The following ASTN2 variants were observed in gnomAD, a reference collection of about 807,000 sequenced individuals.
The protein encoded by ASTN2 is astrotactin 2, also known as astrotactin-2.
In ASTN2, 54 loss-of-function variants were observed where a neutral mutation model predicts 139.8. The ratio of observed to expected loss-of-function variants is 0.39; its 90% CI spans 0.31 to 0.48. The LOEUF is 0.48. ASTN2 is among the 20% of genes least tolerant of loss of function. The pLI is 0.95. For missense variants in ASTN2, 1,565 were observed against 1,725.1 expected, an observed-to-expected ratio of 0.91 and a Z score of 1.64; for synonymous variants, 756 against 719.5, an observed-to-expected ratio of 1.05 and a Z score of -0.81.
chr9:116,878,669 C>A (rs1833367510), intron 10 of ASTN2, among the ~76,000 whole-genome samples: 1 of 151,982 alleles, frequency 6.6e-6, no homozygotes, highest in Non-Finnish European at 1.5e-5. Flanking sequence ...ATGCAACAAA[C>A]CTGCATGTCC....
rs767176438 is a variant in ASTN2 at position 116,699,018 on chromosome 9, C to A, written c.2806+26753G>T. The A allele has an allele frequency of 6.2e-7, 1 of 1,614,162 alleles. No homozygotes were observed. The highest frequency in any genetic ancestry group is 2.2e-5 in the East Asian group (1 of 44,852). On this transcript the variant is annotated intron_variant, in intron 16 of 22. Coordinates refer to ENST00000313400, the MANE Select transcript of ASTN2 (RefSeq NM_001365068.1). This position sits in a 1 kb window ranked among gnomAD's most constrained non-coding sequence, Gnocchi z 4.2. ...TGTGCTAAGCTTCCTTGGGGCAGAT[C>A]TACCCAACCTCACTCCTCTCTCAGT...
intron 19 of ASTN2, among the ~76,000 whole-genome samples, chr9:116,492,054 G>T (rs1193465093): frequency 1.3e-5 from 2 of 151,468 alleles, no homozygotes; most frequent in African/African-American, 4.8e-5. Context: ...CTTAAAATGT[G>T]TATCAACTAC....
At chr9:117,142,084 T>C (rs7043225) in intron 3 of ASTN2, among the ~76,000 whole-genome samples, 9,652 of 152,192 alleles carry the variant, frequency 0.063, 565 homozygotes, top group African/African-American at 0.15. Context: ...TGCTTGAGCA[T>C]TGGAAAGTAA....
At chr9:116,867,220 G>A (rs540506313) in intron 10 of ASTN2, among the ~76,000 whole-genome samples, 3 of 152,148 alleles carry the variant, frequency 2.0e-5, no homozygotes, top group African/African-American at 7.2e-5. Flanking sequence ...ATGAAAAGAG[G>A]AGGCATACTC....
intron 19 of ASTN2, chr9:116,585,297 T>C (rs1588039504): frequency 6.6e-6 from 1 of 152,206 alleles, no homozygotes; most frequent in South Asian, 2.1e-4. Context: ...TTCTAGCTTA[T>C]AGAATTGCTG....
chr9:117,333,765 A>T (rs1301128475), intron 1 of ASTN2, among the ~76,000 whole-genome samples: 1 of 152,068 alleles, frequency 6.6e-6, no homozygotes, highest in Non-Finnish European at 1.5e-5. Context: ...CAGCTTCCCA[A>T]AGTGCTAGGA....
intron 16 of ASTN2, chr9:116,697,867 C>T: frequency 6.2e-7 from 1 of 1,614,200 alleles, no homozygotes; most frequent in Non-Finnish European, 8.5e-7. Flanking sequence ...TGTGGCCATA[C>T]CATCTGCCGC....
chr9:116,765,378 C>T (rs1169835666), intron 13 of ASTN2, among the ~76,000 whole-genome samples: 5 of 152,134 alleles, frequency 3.3e-5, no homozygotes, highest in Non-Finnish European at 1.5e-5. Context: ...ATCTAGCTAG[C>T]TCAGTACTTT....
At chr9:116,839,710 G>A (rs1037074734) in intron 11 of ASTN2, among the ~76,000 whole-genome samples, 24 of 151,302 alleles carry the variant, frequency 1.6e-4, no homozygotes, top group African/African-American at 5.6e-4. Context: ...TCGCTCTGTC[G>A]CCCAAGCTGG....
intron 11 of ASTN2, among the ~76,000 whole-genome samples, chr9:116,862,065 C>T (rs1309079201): frequency 1.3e-5 from 2 of 151,082 alleles, no homozygotes; most frequent in Admixed American, 6.6e-5. Flanking sequence ...TCTAATTGCC[C>T]ATTCACATCT....
intron 13 of ASTN2, among the ~76,000 whole-genome samples, chr9:116,735,226 C>T (rs914356273): frequency 1.3e-5 from 2 of 152,108 alleles, no homozygotes; most frequent in African/African-American, 2.4e-5. Context: ...TGTGCCATGG[C>T]TGTCTGTGGA....
intron 13 of ASTN2, among the ~76,000 whole-genome samples, chr9:116,758,922 C>A (rs1173988436): frequency 6.6e-6 from 1 of 152,184 alleles, no homozygotes; most frequent in Admixed American, 6.5e-5. Context: ...AAGACAAAGT[C>A]TTGCTCTGTC....
At chr9:117,323,277 C>T (rs1295566799) in intron 1 of ASTN2, among the ~76,000 whole-genome samples, 2 of 152,098 alleles carry the variant, frequency 1.3e-5, no homozygotes, top group Non-Finnish European at 2.9e-5. Context: ...GTCTGCCCCA[C>T]CTCTGACCCC....
intron 20 of ASTN2, among the ~76,000 whole-genome samples, chr9:116,443,306 G>A (rs185314533): frequency 6.6e-6 from 1 of 152,162 alleles, no homozygotes; most frequent in Non-Finnish European, 1.5e-5. Flanking sequence ...GAGCCCAGAC[G>A]GTTGAAGAAA....
chr9:116,698,654 A>G lies in ASTN2; in HGVS notation c.2806+27117T>C. ...AGAAGCCCCGGACAGTTAACGTGGAAGATTCCTGGGCCATGGAGGCCACAG... is the reference window on the plus strand; with the variant it reads ...AGAAGCCCCGGACAGTTAACGTGGAGGATTCCTGGGCCATGGAGGCCACAG... On this transcript the variant is annotated intron_variant, in intron 16 of 22. Transcript: ENST00000313400. This position sits in a 1 kb window ranked among gnomAD's most constrained non-coding sequence, Gnocchi z 4.4. 6.2e-7 allele frequency: 1 copy of G among 1,614,174 alleles called. No homozygotes were observed. The highest frequency in any genetic ancestry group is 8.5e-7 in the Non-Finnish European group (1 of 1,180,016).
chr9:117,218,913 G>A (rs147453186), intron 2 of ASTN2, among the ~76,000 whole-genome samples: 2 of 152,322 alleles, frequency 1.3e-5, no homozygotes, highest in Non-Finnish European at 2.9e-5. Context: ...ATCAAGGGAA[G>A]TGAGATGTGA....
intron 10 of ASTN2, among the ~76,000 whole-genome samples, chr9:116,974,366 G>C (rs921793848): frequency 6.6e-6 from 1 of 151,962 alleles, no homozygotes; most frequent in Non-Finnish European, 1.5e-5. Context: ...CACCATAATG[G>C]GGCAGAATGA....
intron 10 of ASTN2, among the ~76,000 whole-genome samples, chr9:116,870,304 C>T (rs1231580683): frequency 6.6e-6 from 1 of 152,152 alleles, no homozygotes; most frequent in African/African-American, 2.4e-5. Flanking sequence ...GCCTTCTCAT[C>T]TGTAAAATGG....
At chr9:116,847,112 G>GGTTTT (rs911628266) in intron 11 of ASTN2, among the ~76,000 whole-genome samples, 5 of 151,532 alleles carry the variant, frequency 3.3e-5, no homozygotes, top group African/African-American at 1.2e-4. Flanking sequence ...TAGTTCTCAA[G>GGTTTT]GTTTTGTTTT....
Sources: gnomAD v4.1 joint callset for allele counts (sites outside exome capture counted in the v4.1 genomes callset) on GRCh38, gnomAD v4.1.1 for gene constraint, Gnocchi (gnomAD v3.1) non-coding constraint, MANE v1.5 for transcripts, NCBI Gene and HGNC (gene_info 2026-07-23, HGNC 2026-07-21) for gene names.